The following CLIP1 variants were observed in gnomAD, a reference collection of about 807,000 sequenced individuals.
CLIP1 encodes the protein CAP-Gly domain-containing linker protein 1.
A neutral mutation model predicts 161.6 loss-of-function variants in CLIP1; 66 were observed. That is an observed-to-expected ratio of 0.41 (90% CI 0.33 to 0.50). CLIP1 has a LOEUF of 0.50. Among genes scored for constraint, CLIP1 ranks in the 20% least tolerant of loss-of-function variants. The pLI is 0.27. For synonymous variants in CLIP1, 598 were observed against 626.2 expected (o/e 0.96, Z 0.67); for missense variants, 1,376 against 1,702.0 (o/e 0.81, Z 3.37).
intron 11 of CLIP1, among the ~76,000 whole-genome samples, chr12:122,339,378 C>A (rs548432668): frequency 2.0e-5 from 3 of 152,116 alleles, no homozygotes; most frequent in Non-Finnish European, 4.4e-5. Context: ...TGCTCTGTCG[C>A]CCAGGATGGG....
intron 15 of CLIP1, among the ~76,000 whole-genome samples, chr12:122,330,024 G>A (rs961705853): frequency 6.6e-6 from 1 of 152,094 alleles, no homozygotes; most frequent in Non-Finnish European, 1.5e-5. Context: ...GGCTGAGACA[G>A]GAGAATCACT....
intron 21 of CLIP1, among the ~76,000 whole-genome samples, chr12:122,287,624 A>C (rs1159194959): frequency 3.3e-5 from 5 of 152,182 alleles, no homozygotes; most frequent in African/African-American, 1.2e-4. Flanking sequence ...AGAAGAGCAA[A>C]GACTTATCAG....
intron 24 of CLIP1, 46 bp downstream of exon 24, chr12:122,278,108 T>C (rs1955504697): frequency 6.4e-7 from 1 of 1,553,826 alleles, no homozygotes; most frequent in Non-Finnish European, 8.8e-7. Flanking sequence ...GATTCAATGA[T>C]TTTGAAAAAC....
intron 20 of CLIP1, among the ~76,000 whole-genome samples, chr12:122,297,444 G>A (rs779361473): frequency 6.6e-6 from 1 of 152,180 alleles, no homozygotes; most frequent in Non-Finnish European, 1.5e-5. Flanking sequence ...CTGTGTGAAC[G>A]AATGTGTCAT....
At chr12:122,400,753 G>C (rs1039587622) in intron 1 of CLIP1, 1 of 152,106 alleles carries the variant, frequency 6.6e-6, no homozygotes. Context: ...TACACAGTAA[G>C]AGTTCAAAAA....
chr12:122,298,941 G>A (rs942194890), intron 20 of CLIP1, among the ~76,000 whole-genome samples: 1 of 152,178 alleles, frequency 6.6e-6, no homozygotes, highest in African/African-American at 2.4e-5. Flanking sequence ...GCAACAGGGT[G>A]AGACTCCGTC....
Position 122,309,745 on chromosome 12 carries a change from C to T in CLIP1, c.3594+17G>A, listed in dbSNP as rs149695202. 9.2e-4 allele frequency: 1,475 copies of T among 1,611,720 alleles called. 14 individuals are homozygous for T. The African/African-American group carries it at 0.018, about 19-fold the overall frequency. ...CCAGCATGGCACAGCTGGAACCCCT[C>T]GCCAAAGGACACTGACCTTTTGATG... is the stretch of plus-strand genomic sequence containing the variant. On this transcript the variant is annotated intron_variant, in intron 20 of 25. Transcript: ENST00000620786.
chr12:122,377,470 G>A lies in CLIP1; in HGVS notation c.576C>T (p.Ala192=). 6.2e-7 allele frequency: 1 copy of A among 1,614,078 alleles called. No individual in the cohort carries two copies. Among genetic ancestry groups the A allele is most frequent in the African/African-American group, 1.3e-5 (1 of 75,002 alleles). ...TPPISNLTKT[A]SESISNLSEA... ...CTGAAAGGTTGGAGATAGATTCACT[G>A]GCAGTTTTTGTAAGGTTGCTGATCG... The change falls in exon 3 of 26, where the codon GCC becomes GCT. Residue 192 remains alanine (A), a synonymous_variant. Transcript: ENST00000620786.
rs758771606 is a variant in CLIP1 at position 122,328,116 on chromosome 12, G to A, written c.3080C>T (p.Ala1027Val). ...CTCAGAAGTGGCTCTCTCATACCTGGCTTTCAGCTCCTGACACTGGTTGTG... is the reference window on the plus strand; with the variant it reads ...CTCAGAAGTGGCTCTCTCATACCTGACTTTCAGCTCCTGACACTGGTTGTG... Reference protein sequence around the residue: ...TSHNQCQELKARYERATSETK... With the variant: ...TSHNQCQELKVRYERATSETK... The change falls in exon 17 of 26, where the codon GCC (alanine) becomes GTC (valine). Residue 1027 changes from alanine (A) to valine (V), a missense_variant. Ala to Val is a moderately conservative substitution (Grantham distance 64). Coordinates refer to ENST00000620786, the MANE Select transcript of CLIP1 (RefSeq NM_001247997.2). 1.7e-5 allele frequency: 27 copies of A among 1,614,080 alleles called. No individual in the cohort carries two copies. The highest frequency in any genetic ancestry group is 1.1e-4 in the South Asian group (10 of 91,078).
intron 3 of CLIP1, among the ~76,000 whole-genome samples, chr12:122,369,302 G>A (rs1007410765): frequency 1.1e-4 from 16 of 151,942 alleles, no homozygotes; most frequent in African/African-American, 2.4e-4. Flanking sequence ...GATTACAGAC[G>A]TGAGCCACCA....
In CLIP1 at chr12:122,297,315, T is replaced by C. The variant is rs116774487; in HGVS notation, c.3595-8774A>G. On this transcript the variant is annotated intron_variant, in intron 20 of 25. Coordinates refer to ENST00000620786, the MANE Select transcript of CLIP1 (RefSeq NM_001247997.2). Reference sequence around the variant, plus strand: ...CATGACATACACAACTTCTGCTTTGTAGGCTCAGTAAAACCACTTGAACAA... The same window carrying C: ...CATGACATACACAACTTCTGCTTTGCAGGCTCAGTAAAACCACTTGAACAA... 4.8e-3 allele frequency among the ~76,000 whole-genome samples: 726 copies of C among 152,284 alleles called. 10 individuals are homozygous for C. Among genetic ancestry groups the C allele is most frequent in the African/African-American group, 0.016 (684 of 41,538 alleles).
intron 4 of CLIP1, among the ~76,000 whole-genome samples, chr12:122,363,227 C>T (rs920197279): frequency 6.6e-6 from 1 of 152,118 alleles, no homozygotes; most frequent in Non-Finnish European, 1.5e-5. Context: ...AGGCTGGACG[C>T]GGTGGCTCAC....
At chr12:122,298,167 A>G (rs1202406848) in intron 20 of CLIP1, among the ~76,000 whole-genome samples, 2 of 151,522 alleles carry the variant, frequency 1.3e-5, no homozygotes, top group African/African-American at 4.9e-5. Context: ...ATCACACTAA[A>G]CTCTCTCTTG....
chr12:122,410,405 A>ATTTATT (rs56340908), intron 1 of CLIP1, among the ~76,000 whole-genome samples: 149,591 of 150,462 alleles, frequency 0.99, 74,368 homozygotes, highest in Middle Eastern at 1. Context: ...GTAAAGTTAT[A>ATTTATT]TTTATTTATG....
intron 1 of CLIP1, among the ~76,000 whole-genome samples, chr12:122,414,747 G>C (rs530946930): frequency 5.9e-5 from 9 of 152,238 alleles, no homozygotes; most frequent in Non-Finnish European, 1.2e-4. Flanking sequence ...TTACAGGCAT[G>C]AGCCACCACG....
Position 122,355,655 on chromosome 12 carries a change from A to C in CLIP1, c.1006-343T>G. ...CCCCATCTCTACTAAAAATACAAAA[A>C]TTAGCTGGAGTGCAGTGGTGCGATC... On this transcript the variant is annotated intron_variant, in intron 5 of 25. Transcript: ENST00000620786. This position sits in a 1 kb window ranked among gnomAD's most constrained non-coding sequence, Gnocchi z 4.1. 5 of 222,844 alleles carry C rather than the reference A, an allele frequency of 2.2e-5. No individual in the cohort carries two copies. The highest frequency in any genetic ancestry group is 3.6e-5 in the Non-Finnish European group (4 of 112,256). 13.8% of individuals were successfully genotyped at this position (222,844 alleles called of 1,614,324 possible).
intron 19 of CLIP1, among the ~76,000 whole-genome samples, chr12:122,314,101 G>A (rs1390558544): frequency 6.6e-6 from 1 of 152,032 alleles, no homozygotes; most frequent in Non-Finnish European, 1.5e-5. Context: ...GTACAGCCTG[G>A]CGAATATGGT....
At chr12:122,377,328 C>A in intron 3 of CLIP1, 61 bp downstream of exon 3, 4 of 1,452,514 alleles carry the variant, frequency 2.8e-6, no homozygotes, top group Non-Finnish European at 3.8e-6. Context: ...TGTATTTCAA[C>A]CACTCACTGG....
In CLIP1 at chr12:122,327,996, C is replaced by T. The variant is rs147677592; in HGVS notation, c.3200G>A (p.Gly1067Asp). 2.5e-6 allele frequency: 4 copies of T among 1,614,046 alleles called. No homozygotes were observed. In the African/African-American group the frequency reaches 5.3e-5, roughly 22 times the overall value. ...CAGCTCCTCCAGCTCCTGCAGCAAG[C>T]CACTGTTCTCCTCCCGTGCGCCCTT... ...KLKGAREENS[G>D]LLQELEELRK... is the part of the protein sequence containing the mutation. The change falls in exon 17 of 26, where the codon GGC (glycine) becomes GAC (aspartate). Residue 1067 changes from glycine (G) to aspartate (D), a missense_variant. Transcript: ENST00000620786.
Sources: allele counts gnomAD v4.1 joint callset (sites outside exome capture counted in the v4.1 genomes callset), GRCh38; gene constraint gnomAD v4.1.1; non-coding constraint Gnocchi (gnomAD v3.1); transcripts MANE v1.5; gene names NCBI Gene and HGNC (gene_info 2026-07-23, HGNC 2026-07-21).